The following GREB1 variants were observed in gnomAD, a reference collection of about 807,000 sequenced individuals.
The protein encoded by GREB1 is growth regulating estrogen receptor binding 1.
In GREB1, 106 loss-of-function variants were observed where a neutral mutation model predicts 200.7. That is an observed-to-expected ratio of 0.53 (90% CI 0.45 to 0.62). The LOEUF is 0.62. Among genes scored for constraint, GREB1 ranks in the 20% least tolerant of loss-of-function variants. GREB1 has a pLI of 0.00. For synonymous variants in GREB1, 1,132 were observed against 1,092.4 expected (o/e 1.04, Z -0.72); for missense variants, 2,243 against 2,556.8 (o/e 0.88, Z 2.65).
At chr2:11,593,776 T>C (rs77998591) in intron 11 of GREB1, among the ~76,000 whole-genome samples, 3,154 of 151,958 alleles carry the variant, frequency 0.021, 107 homozygotes, top group African/African-American at 0.071. Flanking sequence ...GCCAATTGAT[T>C]TAATTTTAAA....
At chr2:11,592,041 A>T in intron 10 of GREB1, 1 of 979,016 alleles carries the variant, frequency 1.0e-6, no homozygotes, top group Non-Finnish European at 1.2e-6. Flanking sequence ...TCCCAGGCTG[A>T]ATGTTCTACA....
In GREB1 at chr2:11,566,582, T is replaced by C. The variant is rs1351151141; in HGVS notation, c.380T>C (p.Leu127Pro). The C allele has an allele frequency of 6.2e-7, 1 of 1,614,002 alleles. No individual in the cohort carries two copies. Among genetic ancestry groups the C allele is most frequent in the Admixed American group, 1.7e-5 (1 of 59,996 alleles). The stretch of plus-strand genomic sequence containing the variant: ...CTCGTGGGGGTCAAGTCCCCCAGCC[T>C]GCCGGACCATCTCCTGGTGTGCGCC... ...FLLVGVKSPS[L>P]PDHLLVCAVD... The change falls in exon 4 of 33, where the codon CTG becomes CCG. Residue 127 changes from leucine to proline, a missense_variant. Around this residue, in one of 3 missense-constraint regions of GREB1, gnomAD observed 1,178 missense variants for 1,387.4 expected, o/e 0.85. Coordinates refer to ENST00000381486, the MANE Select transcript of GREB1 (RefSeq NM_014668.4).
chr2:11,560,195 A>G (rs1464027062), intron 2 of GREB1, among the ~76,000 whole-genome samples: 1 of 152,188 alleles, frequency 6.6e-6, no homozygotes, highest in Admixed American at 6.5e-5. Context: ...AGAGAGGTTA[A>G]GTAATTTTCC....
chr2:11,489,095 T>G (rs4669733), intron 1 of GREB1, among the ~76,000 whole-genome samples: 1 of 152,120 alleles, frequency 6.6e-6, no homozygotes. Context: ...AGGGAACTTA[T>G]GAAACTCTGG....
At chr2:11,638,845 C>T in intron 32 of GREB1, 36 bp downstream of exon 32, 1 of 1,607,854 alleles carries the variant, frequency 6.2e-7, no homozygotes, top group Non-Finnish European at 8.5e-7. Flanking sequence ...ACCTTGTCTT[C>T]AATGGCTGTA....
In GREB1 at chr2:11,585,671, G is replaced by T. The variant is rs111803211; in HGVS notation, c.1016-91G>T. The stretch of plus-strand genomic sequence containing the variant: ...CTGTAATCAGGGACGTTGGTCAGAG[G>T]GTAGCAGATTTGCTGGCTGGCCTGA... On this transcript the variant is annotated intron_variant, in intron 8 of 32. Coordinates refer to ENST00000381486, the MANE Select transcript of GREB1 (RefSeq NM_014668.4). 1.3e-5 allele frequency: 18 copies of T among 1,432,562 alleles called. No homozygotes were observed. The African/African-American group carries it at 1.4e-4, about 11-fold the overall frequency. 88.7% of individuals were successfully genotyped at this position (1,432,562 alleles called of 1,614,324 possible). A position where few individuals can be genotyped will look rare whatever the true frequency, so the allele number is the denominator to read the frequency against.
chr2:11,546,902 A>G (rs1383238572), intron 1 of GREB1, among the ~76,000 whole-genome samples: 1 of 152,098 alleles, frequency 6.6e-6, no homozygotes, highest in Non-Finnish European at 1.5e-5. Flanking sequence ...ATAACTCTGA[A>G]AGTGAGGATG....
chr2:11,593,158 C>G (rs2148187778), intron 11 of GREB1, 32 bp downstream of exon 11: 1 of 1,441,002 alleles, frequency 6.9e-7, no homozygotes, highest in Non-Finnish European at 9.4e-7. Context: ...TGCGGGAAAG[C>G]CCCCTGAACG....
At chr2:11,539,037 TC>T in intron 1 of GREB1, among the ~76,000 whole-genome samples, 1 of 57,970 alleles carries the variant, frequency 1.7e-5, no homozygotes, top group Non-Finnish European at 5.3e-5. Context: ...TCTTCTCTTC[TC>T]TTCTCTTCTC....
intron 17 of GREB1, among the ~76,000 whole-genome samples, chr2:11,609,354 C>T (rs1682711857): frequency 6.6e-6 from 1 of 151,826 alleles, no homozygotes; most frequent in African/African-American, 2.4e-5. Flanking sequence ...CCACAACCTC[C>T]ATCTCCTGAG....
At chr2:11,543,149 T>C (rs1674926987) in intron 1 of GREB1, among the ~76,000 whole-genome samples, 1 of 152,176 alleles carries the variant, frequency 6.6e-6, no homozygotes, top group Non-Finnish European at 1.5e-5. Flanking sequence ...TCAAGTTTAG[T>C]TGGGAAGCTG....
intron 1 of GREB1, among the ~76,000 whole-genome samples, chr2:11,545,883 A>G (rs1405605017): frequency 6.6e-6 from 1 of 151,860 alleles, no homozygotes; most frequent in Admixed American, 6.5e-5. Flanking sequence ...TCGCTAAAGA[A>G]AATAACAAAG....
In GREB1 at chr2:11,641,869, CCTTT is replaced by C. The variant is rs1019482686; in HGVS notation, c.*1419_*1422del. On this transcript the variant is annotated 3_prime_UTR_variant, in exon 33 of 33. Transcript: ENST00000381486. ...GATCATCTTGTTCATCTTGTTCAGT[CCTTT>C]CTTGTGTGATTGGAATTATTCATCC... 1.4e-4 allele frequency: 22 copies of C among 152,254 alleles called. No individual in the cohort carries two copies. The highest frequency in any genetic ancestry group is 5.1e-4 in the African/African-American group (21 of 41,534). The allele number at this position is 152,254 out of a possible 1,614,324, so 9.4% of individuals were successfully genotyped here.
chr2:11,627,467 T>C (rs954682923), intron 25 of GREB1, among the ~76,000 whole-genome samples: 3 of 152,192 alleles, frequency 2.0e-5, no homozygotes, highest in African/African-American at 4.8e-5. Context: ...CCATCCTCCA[T>C]GCTCAGTCTA....
At chr2:11,513,484 A>G (rs1217062359) in intron 1 of GREB1, among the ~76,000 whole-genome samples, 1 of 152,228 alleles carries the variant, frequency 6.6e-6, no homozygotes, top group East Asian at 1.9e-4. Flanking sequence ...TGGGGTTTAT[A>G]GGGAAGCTCT....
At position 11,593,008 on chromosome 2, in the gene GREB1, C is replaced by T. The variant is rs76842987; in HGVS notation, c.1578C>T (p.Ala526=). The T allele has an allele frequency of 5.0e-6, 8 of 1,612,150 alleles. No homozygotes were observed. Among genetic ancestry groups the T allele is most frequent in the Non-Finnish European group, 5.9e-6 (7 of 1,179,266 alleles). The change falls in exon 11 of 33, where the codon GCC becomes GCT. Residue 526 remains alanine (A), a synonymous_variant. Transcript: ENST00000381486. ...TCATCGAGTGTGCTTACTCCCTGGC[C>T]GAGGGCCTCTCCGAGATGTTCCGGC... ...VHVIECAYSL[A]EGLSEMFRLL... is the part of the protein sequence containing the mutation.
In GREB1 at chr2:11,632,129, C is replaced by T. The variant is rs779728891; in HGVS notation, c.4816+16C>T. The T allele has an allele frequency of 5.1e-6, 8 of 1,572,138 alleles. No homozygotes were observed. In the South Asian group the frequency reaches 7.8e-5, roughly 15 times the overall value. On this transcript the variant is annotated intron_variant, in intron 27 of 32. Coordinates refer to ENST00000381486, the MANE Select transcript of GREB1 (RefSeq NM_014668.4). ...GCTGGAGTTGGTGAGTGTCCTTTAA[C>T]ATCATCTACTCAGTCAAACTCCTGT...
At chr2:11,570,133 G>C (rs1678112009) in intron 4 of GREB1, among the ~76,000 whole-genome samples, 1 of 152,138 alleles carries the variant, frequency 6.6e-6, no homozygotes, top group African/African-American at 2.4e-5. Context: ...ATGGGGCCAG[G>C]TGTGGTGGCT....
intron 2 of GREB1, 137 bp from the exon 3 acceptor site, chr2:11,562,326 G>A (rs1347816949): frequency 1.9e-6 from 2 of 1,075,618 alleles, no homozygotes; most frequent in South Asian, 3.1e-5. Context: ...GTTAAGGATG[G>A]GTGGAACCCA....
Sources: gnomAD v4.1 joint callset for allele counts (sites outside exome capture counted in the v4.1 genomes callset) on GRCh38, gnomAD v4.1.1 for gene constraint, gnomAD v4.1.1 regional missense constraint, MANE v1.5 for transcripts, NCBI Gene and HGNC (gene_info 2026-07-23, HGNC 2026-07-21) for gene names.